The following MCMDC2 variants were observed in gnomAD, a reference collection of about 807,000 sequenced individuals.
MCMDC2 encodes the protein minichromosome maintenance domain-containing protein 2.
Under a neutral mutation model 75.8 loss-of-function variants are expected in MCMDC2, and 54 were observed. The observed-to-expected ratio is 0.71, with a 90% CI of 0.57 to 0.89. MCMDC2 has a LOEUF of 0.89. Among genes scored for constraint, MCMDC2 ranks in the 40% least tolerant of loss-of-function variants. The pLI, the probability that MCMDC2 is intolerant of heterozygous loss-of-function variation, is 0.00. For synonymous variants in MCMDC2, 249 were observed against 274.6 expected (o/e 0.91, Z 0.92); for missense variants, 656 against 780.4 (o/e 0.84, Z 1.90).
intron 14 of MCMDC2, among the ~76,000 whole-genome samples, chr8:66,910,809 C>CAAAAA (rs765402558): frequency 7.4e-6 from 1 of 135,452 alleles, no homozygotes; most frequent in Middle Eastern, 3.8e-3. Flanking sequence ...AACTCCATCT[C>CAAAAA]AAAAAAAAAA....
intron 12 of MCMDC2, among the ~76,000 whole-genome samples, chr8:66,899,975 C>A (rs1385118014): frequency 1.4e-5 from 2 of 145,622 alleles, no homozygotes; most frequent in African/African-American, 5.1e-5. Flanking sequence ...CAAAAAAAAA[C>A]AAAAGAAAAA....
At chr8:66,902,671 C>T (rs12542513) in intron 13 of MCMDC2, among the ~76,000 whole-genome samples, 2 of 106,762 alleles carry the variant, frequency 1.9e-5, no homozygotes, top group Non-Finnish European at 3.5e-5. Flanking sequence ...TCCAGCCTGG[C>T]GACAGAGCAA....
At chr8:66,906,332 T>C (rs1157240379) in intron 14 of MCMDC2, among the ~76,000 whole-genome samples, 1 of 152,216 alleles carries the variant, frequency 6.6e-6, no homozygotes, top group Non-Finnish European at 1.5e-5. Context: ...GTGATTACAT[T>C]TGCTTTAAAT....
chr8:66,883,590 T>C (rs1811695745), intron 8 of MCMDC2, among the ~76,000 whole-genome samples, 167 bp from the exon 9 acceptor site: 2 of 151,814 alleles, frequency 1.3e-5, no homozygotes, highest in Non-Finnish European at 2.9e-5. Flanking sequence ...GGCCAGGGGT[T>C]CAAGACCAGC....
At position 66,904,266 on chromosome 8, in the gene MCMDC2, G is replaced by T. The variant is rs562646597; in HGVS notation, c.1770-960G>T. On this transcript the variant is annotated intron_variant, in intron 13 of 14. Transcript: ENST00000422365. ...ATCATGGTAAGGAGCTGAAAATTAT[G>T]TCTCATAGCATAGTAAAGGAACTAG... Among the ~76,000 whole-genome samples the T allele has an allele frequency of 3.3e-5, 5 of 152,228 alleles. No homozygotes were observed. In the East Asian group the frequency reaches 9.6e-4, roughly 29 times the overall value.
At chr8:66,913,927 G>A (rs1242402151) in intron 14 of MCMDC2, among the ~76,000 whole-genome samples, 2 of 141,034 alleles carry the variant, frequency 1.4e-5, no homozygotes, top group African/African-American at 5.4e-5. Flanking sequence ...TCGTACCACT[G>A]CCCTCCAGCC....
Position 66,901,245 on chromosome 8 carries a change from T to G in MCMDC2, c.1666T>G (p.Leu556Val). 6.2e-7 allele frequency: 1 copy of G among 1,614,072 alleles called. No homozygotes were observed. Among genetic ancestry groups the G allele is most frequent in the South Asian group, 1.1e-5 (1 of 91,060 alleles). Residue 556 changes from leucine to valine, a missense_variant, in exon 13 of 15, where the codon TTG (leucine) becomes GTG (valine). By Grantham distance (32) the Leu-to-Val change is conservative. Transcript: ENST00000422365. Reference protein sequence around the residue: ...FAKNLNVEFSLEAERMTHGYY... With the variant: ...FAKNLNVEFSVEAERMTHGYY... Reference sequence around the variant, plus strand: ...AAAGAATTTGAATGTAGAATTCAGCTTGGAAGCAGAAAGAATGACCCATGG... The same window carrying G: ...AAAGAATTTGAATGTAGAATTCAGCGTGGAAGCAGAAAGAATGACCCATGG...
downstream of MCMDC2, among the ~76,000 whole-genome samples, chr8:66,924,234 GTCT>G (rs769257244): frequency 1.3e-5 from 2 of 151,804 alleles, no homozygotes; most frequent in Admixed American, 6.6e-5. Context: ...CATGACATTC[GTCT>G]TCTTGACAGT....
At position 66,874,203 on chromosome 8, in the gene MCMDC2, A is replaced by G. The variant is rs1157991452; in HGVS notation, c.63A>G (p.Gln21=). ...ATCTTGACAGAAGTGGAGGCCTCCA[A>G]AAGTTTATAGATGATTGCAAGTACT... ...LIYLDRSGGL[Q]KFIDDCKYYN... The change falls in exon 2 of 15, where the codon CAA becomes CAG. Residue 21 remains glutamine (Q), a synonymous_variant. Coordinates refer to ENST00000422365, the MANE Select transcript of MCMDC2 (RefSeq NM_173518.5). 2 of 1,611,570 alleles carry G rather than the reference A, an allele frequency of 1.2e-6. No homozygotes were observed. Among genetic ancestry groups the G allele is most frequent in the Admixed American group, 1.7e-5 (1 of 59,488 alleles).
In MCMDC2 at chr8:66,876,002, A is replaced by C. The variant is rs542877014; in HGVS notation, c.286-1347A>C. Among the ~76,000 whole-genome samples, 129 of 152,294 alleles carry C rather than the reference A, an allele frequency of 8.5e-4. 2 individuals are homozygous for C. The South Asian group carries it at 0.026, about 31-fold the overall frequency. On this transcript the variant is annotated intron_variant, in intron 4 of 14. Coordinates refer to ENST00000422365, the MANE Select transcript of MCMDC2 (RefSeq NM_173518.5). ...AATACATAATAGTATAATGTATTAC[A>C]TATTGTGCTATATCAGGAGGATATA...
chr8:66,886,504 G>A (rs1175739144), intron 9 of MCMDC2, among the ~76,000 whole-genome samples: 1 of 152,118 alleles, frequency 6.6e-6, no homozygotes, highest in Non-Finnish European at 1.5e-5. Flanking sequence ...TGAGCGCAGT[G>A]GCTCATGACT....
chr8:66,877,789 A>T (rs1811363841), intron 5 of MCMDC2, among the ~76,000 whole-genome samples: 1 of 151,026 alleles, frequency 6.6e-6, no homozygotes, highest in Non-Finnish European at 1.5e-5. Context: ...TGCTTGGGCC[A>T]GGGAGGTCGG....
intron 4 of MCMDC2, among the ~76,000 whole-genome samples, chr8:66,875,815 C>T (rs1454936625): frequency 6.6e-6 from 1 of 152,166 alleles, no homozygotes; most frequent in Non-Finnish European, 1.5e-5. Context: ...CCTTTTTAGA[C>T]CATTACCTTT....
intron 12 of MCMDC2, among the ~76,000 whole-genome samples, chr8:66,899,557 G>A (rs1416323182): frequency 1.3e-5 from 2 of 151,948 alleles, no homozygotes; most frequent in African/African-American, 4.8e-5. Context: ...GTGCAGAGGC[G>A]CCATCTTGGC....
At chr8:66,879,055 A>G in intron 7 of MCMDC2, 136 bp downstream of exon 7, 1 of 650,982 alleles carries the variant, frequency 1.5e-6, no homozygotes, top group Non-Finnish European at 2.7e-6. Flanking sequence ...CAGGAGTTTG[A>G]GACTAGCTTA....
intron 4 of MCMDC2, among the ~76,000 whole-genome samples, chr8:66,876,484 T>A (rs946515499): frequency 5.3e-5 from 8 of 152,164 alleles, no homozygotes; most frequent in Admixed American, 2.6e-4. Flanking sequence ...CTTTTGATGC[T>A]CATATTAGCC....
intron 8 of MCMDC2, among the ~76,000 whole-genome samples, chr8:66,881,458 G>A (rs1040905956): frequency 6.6e-6 from 1 of 152,232 alleles, no homozygotes; most frequent in Non-Finnish European, 1.5e-5. Flanking sequence ...GGAGGCCGAG[G>A]CAGGCAGATC....
rs368845770 is a variant in MCMDC2, at chr8:66,903,789, T to C, written c.1770-1437T>C. Among the ~76,000 whole-genome samples the C allele has an allele frequency of 2.0e-5, 3 of 152,180 alleles. No homozygotes were observed. In the East Asian group the frequency reaches 5.8e-4, roughly 29 times the overall value. On this transcript the variant is annotated intron_variant, in intron 13 of 14. Transcript: ENST00000422365. ...CAATACTTTCTAAAGGCTCTATACA[T>C]ATTCTGTCCCGGTCAACATTTTTAG... is the stretch of plus-strand genomic sequence containing the variant.
At chr8:66,879,599 GA>G (rs1241350762) in intron 7 of MCMDC2, among the ~76,000 whole-genome samples, 1 of 151,410 alleles carries the variant, frequency 6.6e-6, no homozygotes. Flanking sequence ...TCTCAAAAAA[GA>G]AAAAAAAGCA....
Sources: gnomAD v4.1 joint callset for allele counts (sites outside exome capture counted in the v4.1 genomes callset) on GRCh38, gnomAD v4.1.1 for gene constraint, MANE v1.5 for transcripts, NCBI Gene and HGNC (gene_info 2026-07-23, HGNC 2026-07-21) for gene names.